The following AKR1D1 variants were observed in gnomAD, a reference collection of about 807,000 sequenced individuals.
AKR1D1 encodes delta(4)-3-ketosteroid 5-beta-reductase.
AKR1D1 carries 32 observed loss-of-function variants against 42.6 expected under a neutral mutation model. The observed-to-expected ratio is 0.75, with a 90% CI of 0.57 to 1.01. The LOEUF (loss-of-function observed/expected upper bound fraction) is 1.01. Among genes scored for constraint, AKR1D1 ranks in the 50% least tolerant of loss-of-function variants. The probability of loss-of-function intolerance (pLI) is 0.00; values close to 1 mark genes in which losing one functional copy is unlikely to be tolerated. For synonymous variants in AKR1D1, 123 were observed against 135.5 expected (o/e 0.91, Z 0.64); for missense variants, 364 against 402.2 (o/e 0.91, Z 0.81).
chr7:138,079,469 C>T (rs542368833), intron 1 of AKR1D1, among the ~76,000 whole-genome samples: 2 of 152,240 alleles, frequency 1.3e-5, no homozygotes, highest in East Asian at 1.9e-4. Flanking sequence ...AACTAACACT[C>T]GGGGGACTAT....
Position 138,101,780 on chromosome 7 carries a change from G to A in AKR1D1, c.457-3527G>A, listed in dbSNP as rs114126509. ...CAACTTATTACTGAAAGAAATAAAA[G>A]ATGATCCAAAATTCAATGGAGAGAT... On this transcript the variant is annotated intron_variant, in intron 4 of 8. Coordinates refer to ENST00000242375, the MANE Select transcript of AKR1D1 (RefSeq NM_005989.4). Among the ~76,000 whole-genome samples the A allele has an allele frequency of 8.9e-3, 1,355 of 152,304 alleles. 21 individuals carry two copies. Among genetic ancestry groups the A allele is most frequent in the African/African-American group, 0.03 (1,267 of 41,574 alleles).
intron 3 of AKR1D1, among the ~76,000 whole-genome samples, chr7:138,093,653 G>GT (rs1268375392): frequency 2.0e-5 from 3 of 152,022 alleles, no homozygotes; most frequent in Non-Finnish European, 4.4e-5. Context: ...CCTGCCTGGC[G>GT]TTTTTTTACA....
At chr7:138,098,343 C>T (rs1794224027) in intron 4 of AKR1D1, 1 of 188,104 alleles carries the variant, frequency 5.3e-6, no homozygotes, top group African/African-American at 2.4e-5. Flanking sequence ...GTCGCAGTGG[C>T]TCACACTTGT....
At chr7:138,091,939 T>G (rs1247520127) in intron 3 of AKR1D1, 55 bp downstream of exon 3, 1 of 1,065,106 alleles carries the variant, frequency 9.4e-7, no homozygotes, top group Non-Finnish European at 1.5e-6. Context: ...CATGAGCCAA[T>G]AGCTATGTGC....
chr7:138,104,890 A>G (rs1794390001), intron 4 of AKR1D1, among the ~76,000 whole-genome samples: 1 of 151,834 alleles, frequency 6.6e-6, no homozygotes, highest in East Asian at 1.9e-4. Flanking sequence ...CTCCTAAGTA[A>G]CTGGGACTAC....
chr7:138,095,974 G>A (rs1470152784), intron 3 of AKR1D1, among the ~76,000 whole-genome samples: 2 of 151,780 alleles, frequency 1.3e-5, no homozygotes, highest in Non-Finnish European at 2.9e-5. Context: ...GCCAAGGCAG[G>A]TGGATCACTT....
At chr7:138,077,198 C>A (rs1378248513) in intron 1 of AKR1D1, among the ~76,000 whole-genome samples, 1 of 152,072 alleles carries the variant, frequency 6.6e-6, no homozygotes, top group Admixed American at 6.5e-5. Flanking sequence ...TAAAGACATA[C>A]CCTAGAGACT....
chr7:138,086,902 T>C (rs1280094438), intron 1 of AKR1D1, among the ~76,000 whole-genome samples: 10 of 152,206 alleles, frequency 6.6e-5, no homozygotes, highest in Admixed American at 6.5e-4. Flanking sequence ...GACTAGATGT[T>C]TGTCTTCAGA....
At chr7:138,106,231 TCA>T (rs1794429632) in intron 5 of AKR1D1, among the ~76,000 whole-genome samples, 3 of 152,216 alleles carry the variant, frequency 2.0e-5, no homozygotes, top group Admixed American at 1.3e-4. Flanking sequence ...TAAAAAATGT[TCA>T]CAGTCCTTTA....
rs753492606 is a variant in AKR1D1, at chr7:138,105,309, G to T, written c.459G>T (p.Ala153=). 3.1e-6 allele frequency: 5 copies of T among 1,614,076 alleles called. 1 individual carries two copies. The South Asian group carries it at 4.4e-5, about 14-fold the overall frequency. The change falls in exon 5 of 9, where the codon GCG becomes GCT. Residue 153 remains alanine (A), a splice_region_variant and synonymous_variant. Coordinates refer to ENST00000242375, the MANE Select transcript of AKR1D1 (RefSeq NM_005989.4). ...ACCTGTGGACATTTACTCTACAGGC[G>T]ATGGAAGCTTGCAAAGACGCTGGCT... ...HKSNLCATWE[A]MEACKDAGLV...
At chr7:138,113,613 A>G in intron 7 of AKR1D1, 77 bp from the exon 8 acceptor site, 3 of 1,207,212 alleles carry the variant, frequency 2.5e-6, no homozygotes, top group East Asian at 2.4e-5. Context: ...ACATCTTTGG[A>G]AGGCTCCCAC....
intron 4 of AKR1D1, among the ~76,000 whole-genome samples, chr7:138,102,685 A>G (rs1030868397): frequency 2.0e-5 from 3 of 152,246 alleles, no homozygotes; most frequent in Non-Finnish European, 2.9e-5. Flanking sequence ...AAAACATAAT[A>G]GAGAATGTTA....
chr7:138,113,847 A>T lies in AKR1D1; in HGVS notation c.938+75A>T, dbSNP rs2306847. On this transcript the variant is annotated intron_variant, in intron 8 of 8. Transcript: ENST00000242375. ...CATGTGTCAAGCAACAAGGCTCATA[A>T]GAACCCTGACCTATGTCCATAGCAC... is the stretch of plus-strand genomic sequence containing the variant. The T allele has an allele frequency of 0.79, 1,066,199 of 1,356,326 alleles. 420,406 individuals are homozygous for T. Among genetic ancestry groups the T allele is most frequent in the African/African-American group, 0.86 (60,235 of 69,660 alleles). The allele number at this position is 1,356,326 out of a possible 1,614,324, so 84.0% of individuals were successfully genotyped here.
intron 7 of AKR1D1, among the ~76,000 whole-genome samples, chr7:138,111,171 T>C (rs1406938878): frequency 6.6e-6 from 1 of 152,194 alleles, no homozygotes; most frequent in Non-Finnish European, 1.5e-5. Context: ...CTCTCTTTCC[T>C]ACACTAGCAA....
intron 2 of AKR1D1, among the ~76,000 whole-genome samples, chr7:138,090,467 T>C (rs1473218498): frequency 6.6e-6 from 1 of 151,810 alleles, no homozygotes; most frequent in African/African-American, 2.4e-5. Flanking sequence ...TGAAACCCCA[T>C]CTCTACTAAA....
intron 1 of AKR1D1, among the ~76,000 whole-genome samples, chr7:138,081,684 A>G (rs1240433489): frequency 6.6e-6 from 1 of 151,640 alleles, no homozygotes; most frequent in Admixed American, 6.6e-5. Context: ...GTGCACCACA[A>G]CACCCAGCTA....
Position 138,116,739 on chromosome 7 carries a change from A to G in AKR1D1, c.*77A>G, listed in dbSNP as rs1172068714. On this transcript the variant is annotated 3_prime_UTR_variant, in exon 9 of 9. Coordinates refer to ENST00000242375, the MANE Select transcript of AKR1D1 (RefSeq NM_005989.4). ...GCAATGGGTAGTCCCCTAGATGTGA[A>G]AATGAAGAGAGAGGGTTTTACCATC... is the stretch of plus-strand genomic sequence containing the variant. 7.6e-7 allele frequency: 1 copy of G among 1,313,752 alleles called. No homozygotes were observed. Among genetic ancestry groups the G allele is most frequent in the Non-Finnish European group, 1.1e-6 (1 of 912,328 alleles). 81.4% of individuals were successfully genotyped at this position (1,313,752 alleles called of 1,614,324 possible).
intron 2 of AKR1D1, among the ~76,000 whole-genome samples, chr7:138,088,999 T>C (rs376192477): frequency 2.1e-4 from 32 of 152,090 alleles, no homozygotes; most frequent in Non-Finnish European, 3.8e-4. Flanking sequence ...TAACGAATTA[T>C]TTATTAGTTT....
At chr7:138,103,305 CA>C (rs1292047504) in intron 4 of AKR1D1, among the ~76,000 whole-genome samples, 2 of 151,872 alleles carry the variant, frequency 1.3e-5, no homozygotes, top group Non-Finnish European at 2.9e-5. Flanking sequence ...ATATTAAGAT[CA>C]AATAATAAAA....
Sources: allele counts gnomAD v4.1 joint callset (sites outside exome capture counted in the v4.1 genomes callset), GRCh38; gene constraint gnomAD v4.1.1; transcripts MANE v1.5; gene names NCBI Gene and HGNC (gene_info 2026-07-23, HGNC 2026-07-21).